The following LIN9 variants were observed in gnomAD, a reference collection of about 807,000 sequenced individuals.
The protein encoded by LIN9 is protein lin-9 homolog.
Under a neutral mutation model 78.0 loss-of-function variants are expected in LIN9, and 18 were observed. The observed-to-expected ratio is 0.23, with a 90% CI of 0.16 to 0.34. LIN9 has a LOEUF of 0.34. Among genes scored for constraint, LIN9 ranks in the 10% least tolerant of loss-of-function variants. The probability of loss-of-function intolerance (pLI) is 1.00; values close to 1 mark genes in which losing one functional copy is unlikely to be tolerated. For synonymous variants in LIN9, 192 were observed against 215.2 expected, an observed-to-expected ratio of 0.89 and a Z score of 0.94; for missense variants, 451 against 644.1, an observed-to-expected ratio of 0.70 and a Z score of 3.25.
chr1:226,272,116 G>C (rs1471726223), intron 7 of LIN9, among the ~76,000 whole-genome samples: 2 of 150,908 alleles, frequency 1.3e-5, no homozygotes, highest in Non-Finnish European at 2.9e-5. Context: ...AGTACAGTGG[G>C]TGAGATCTTG....
chr1:226,259,950 G>GA (rs1260041397), intron 10 of LIN9, among the ~76,000 whole-genome samples: 4 of 114,358 alleles, frequency 3.5e-5, no homozygotes, highest in Non-Finnish European at 5.7e-5. Flanking sequence ...ACAGAAAATA[G>GA]AAAAAAATCA....
At chr1:226,306,590 G>A (rs1163849727) in intron 1 of LIN9, among the ~76,000 whole-genome samples, 1 of 152,106 alleles carries the variant, frequency 6.6e-6, no homozygotes, top group Non-Finnish European at 1.5e-5. Context: ...TATAAAATGT[G>A]AGCACTTACA....
intron 7 of LIN9, among the ~76,000 whole-genome samples, chr1:226,273,481 G>A (rs915626175): frequency 6.6e-6 from 1 of 152,106 alleles, no homozygotes; most frequent in Non-Finnish European, 1.5e-5. Flanking sequence ...CTGGGCTCAG[G>A]TGAGTGGCTT....
At chr1:226,241,436 G>C (rs932307001) in intron 11 of LIN9, among the ~76,000 whole-genome samples, 3 of 152,064 alleles carry the variant, frequency 2.0e-5, no homozygotes, top group African/African-American at 7.2e-5. Context: ...GCGAATTTGA[G>C]GGTGTCAAAA....
intron 11 of LIN9, among the ~76,000 whole-genome samples, chr1:226,245,422 C>CT (rs375842164): frequency 1.6e-4 from 23 of 143,564 alleles, no homozygotes; most frequent in African/African-American, 3.1e-4. Flanking sequence ...ACATACTTGT[C>CT]TTTTTTCCCC....
intron 6 of LIN9, among the ~76,000 whole-genome samples, chr1:226,283,069 C>T (rs1661166910): frequency 6.6e-6 from 1 of 152,050 alleles, no homozygotes; most frequent in Admixed American, 6.5e-5. Flanking sequence ...GATCCTCCCA[C>T]CTTGGTCTTG....
rs71574569 is a variant in LIN9, at chr1:226,283,278, A to ATTTTTT, written c.524+3049_524+3054dup. On this transcript the variant is annotated intron_variant, in intron 6 of 14. Transcript: ENST00000681046. ...AGTAGCATGCCTGGGTAATTTTTGA[A>ATTTTTT]TTTTTTTTTTTTTTTTTTTTTTTTT... Among the ~76,000 whole-genome samples, 5 of 84,210 alleles carry ATTTTTT rather than the reference A, an allele frequency of 5.9e-5. 1 individual carries two copies. Among genetic ancestry groups the ATTTTTT allele is most frequent in the African/African-American group, 2.0e-4 (4 of 19,632 alleles). The allele number at this position is 84,210 out of a possible 152,430, so 55.2% of individuals were successfully genotyped here. A position where few individuals can be genotyped will look rare whatever the true frequency, so the allele number is the denominator to read the frequency against.
intron 12 of LIN9, among the ~76,000 whole-genome samples, chr1:226,236,736 C>T (rs925606909): frequency 2.0e-5 from 3 of 152,224 alleles, no homozygotes; most frequent in East Asian, 1.9e-4. Context: ...GGATTACAGG[C>T]GTGAGCCACC....
At chr1:226,269,480 C>T (rs1274580402) in intron 7 of LIN9, among the ~76,000 whole-genome samples, 3 of 152,208 alleles carry the variant, frequency 2.0e-5, no homozygotes, top group Admixed American at 1.3e-4. Flanking sequence ...AAACAAGAAA[C>T]GTTTATTGTT....
At chr1:226,255,134 C>T (rs888095591) in intron 10 of LIN9, among the ~76,000 whole-genome samples, 2 of 152,020 alleles carry the variant, frequency 1.3e-5, no homozygotes, top group East Asian at 1.9e-4. Context: ...ATTTACTCTA[C>T]GGGACCCAGT....
chr1:226,309,301 C>G, upstream of LIN9: 1 of 1,045,296 alleles, frequency 9.6e-7, no homozygotes, highest in Non-Finnish European at 1.2e-6. Context: ...GCTCCGCCCG[C>G]GCCTGCCCGG....
intron 5 of LIN9, among the ~76,000 whole-genome samples, chr1:226,287,352 A>G (rs1661436470): frequency 6.6e-6 from 1 of 152,216 alleles, no homozygotes; most frequent in South Asian, 2.1e-4. Context: ...TCTCAATTAT[A>G]AAATGAATCT....
At chr1:226,272,346 ATG>A (rs942302914) in intron 7 of LIN9, among the ~76,000 whole-genome samples, 1 of 149,786 alleles carries the variant, frequency 6.7e-6, no homozygotes, top group South Asian at 2.1e-4. Flanking sequence ...ATGAGCCACC[ATG>A]CCCAGCCAAT....
intron 14 of LIN9, 162 bp downstream of exon 14, chr1:226,232,934 C>T (rs1657442878): frequency 1.9e-6 from 1 of 516,392 alleles, no homozygotes; most frequent in Non-Finnish European, 3.4e-6. Flanking sequence ...TGTGAAATTT[C>T]TATTCTGTCC....
At chr1:226,303,666 C>T (rs1004515713) in intron 1 of LIN9, among the ~76,000 whole-genome samples, 1 of 151,974 alleles carries the variant, frequency 6.6e-6, no homozygotes, top group Non-Finnish European at 1.5e-5. Flanking sequence ...AGTGCGGTGG[C>T]GCAATCTCAG....
chr1:226,309,165 A>G, upstream of LIN9: 1 of 1,401,126 alleles, frequency 7.1e-7, no homozygotes, highest in Non-Finnish European at 9.4e-7. Flanking sequence ...CCGCTTTTTC[A>G]AAGGCTGCCC....
intron 7 of LIN9, 145 bp downstream of exon 7, chr1:226,277,630 T>C (rs573787478): frequency 2.3e-5 from 16 of 687,238 alleles, no homozygotes; most frequent in African/African-American, 1.1e-4. Flanking sequence ...AGTTGAGGGA[T>C]AGGGATAGGG....
At chr1:226,237,290 T>C (rs1200667047) in intron 12 of LIN9, among the ~76,000 whole-genome samples, 2 of 152,160 alleles carry the variant, frequency 1.3e-5, no homozygotes, top group Non-Finnish European at 2.9e-5. Context: ...ACAATGCATA[T>C]TGTTATGTGG....
chr1:226,234,531 C>T (rs58467953), intron 12 of LIN9, among the ~76,000 whole-genome samples: 1,693 of 152,216 alleles, frequency 0.011, 39 homozygotes, highest in African/African-American at 0.039. Flanking sequence ...GACACGTCCC[C>T]GTAATTTGGG....
Sources: allele counts gnomAD v4.1 joint callset (sites outside exome capture counted in the v4.1 genomes callset), GRCh38; gene constraint gnomAD v4.1.1; transcripts MANE v1.5; gene names NCBI Gene and HGNC (gene_info 2026-07-23, HGNC 2026-07-21).